The following SYNE1 variants were observed in gnomAD, a reference collection of about 807,000 sequenced individuals.
SYNE1 encodes nesprin-1.
A neutral mutation model predicts 1,111.0 loss-of-function variants in SYNE1; 616 were observed. The observed-to-expected ratio is 0.55, with a 90% CI of 0.52 to 0.59. The LOEUF (loss-of-function observed/expected upper bound fraction) is 0.59, where lower values mean the gene tolerates loss of function less well. SYNE1 is among the 20% of genes least tolerant of loss of function. The pLI, the probability that SYNE1 is intolerant of heterozygous loss-of-function variation, is 0.00. For missense variants in SYNE1, 10,006 were observed against 10,417.0 expected, an observed-to-expected ratio of 0.96 and a Z score of 1.72; for synonymous variants, 3,855 against 3,825.8, an observed-to-expected ratio of 1.01 and a Z score of -0.28.
intron 129 of SYNE1, among the ~76,000 whole-genome samples, chr6:152,177,147 T>C (rs1197045581): frequency 6.6e-6 from 1 of 152,242 alleles, no homozygotes. Flanking sequence ...TAACTTTCAA[T>C]AATAATAACT....
chr6:152,404,437 T>A, intron 45 of SYNE1, 123 bp from the exon 46 acceptor site: 2 of 723,060 alleles, frequency 2.8e-6, no homozygotes, highest in East Asian at 2.7e-5. Context: ...TAAAAAAAAA[T>A]CTGTTTCATT....
In SYNE1 at chr6:152,633,889, C is replaced by G. The variant is rs2099701875; in HGVS notation, c.-224+2749G>C. On this transcript the variant is annotated intron_variant, in intron 2 of 145. Coordinates refer to ENST00000367255, the MANE Select transcript of SYNE1 (RefSeq NM_182961.4). ...TACTCTTCTTAGGAATTTGGACTAC[C>G]TGCTATTTGGGATGCTCCCAGTTGA... 5.0e-5 allele frequency among the ~76,000 whole-genome samples: 5 copies of G among 99,128 alleles called. No homozygotes were observed. In the South Asian group the frequency reaches 2.2e-3, roughly 44 times the overall value. 65.0% of individuals were successfully genotyped at this position (99,128 alleles called of 152,430 possible).
At chr6:152,225,411 C>T (rs1427052753) in intron 116 of SYNE1, among the ~76,000 whole-genome samples, 1 of 151,946 alleles carries the variant, frequency 6.6e-6, no homozygotes, top group African/African-American at 2.4e-5. Flanking sequence ...TGGTTTGCAT[C>T]ACTTAGATAC....
chr6:152,363,748 G>T (rs1406690933), intron 63 of SYNE1: 1 of 455,078 alleles, frequency 2.2e-6, no homozygotes, highest in East Asian at 7.0e-5. Flanking sequence ...CAGTTTGAGG[G>T]CAATATAGGC....
At chr6:152,246,539 A>G (rs779884713) in intron 105 of SYNE1, among the ~76,000 whole-genome samples, 8 of 152,230 alleles carry the variant, frequency 5.3e-5, no homozygotes, top group Non-Finnish European at 1.0e-4. Context: ...AAGCGGAGCA[A>G]AAAGACAAAG....
At position 152,323,569 on chromosome 6, in the gene SYNE1, G is replaced by A. The variant is rs2095950795; in HGVS notation, c.15826C>T (p.Leu5276=). The part of the protein sequence containing the change: ...SALGMLRQQT[L]SMLQDGAAPT... ...GCGGCTCCATCCTGGAGCATGCTCAGGGTTTGCTGCCGCAGCATGCCCAAG... is the reference window on the plus strand; with the variant it reads ...GCGGCTCCATCCTGGAGCATGCTCAAGGTTTGCTGCCGCAGCATGCCCAAG... Residue 5276 remains leucine (L), a synonymous_variant, in exon 82 of 146, where the codon CTG becomes TTG. Transcript: ENST00000367255. 6.2e-7 allele frequency: 1 copy of A among 1,614,120 alleles called. No homozygotes were observed. The highest frequency in any genetic ancestry group is 1.3e-5 in the African/African-American group (1 of 74,958).
At chr6:152,532,859 T>C (rs1440131084) in intron 4 of SYNE1, among the ~76,000 whole-genome samples, 3 of 152,142 alleles carry the variant, frequency 2.0e-5, no homozygotes, top group African/African-American at 7.2e-5. Context: ...CTGATGATTA[T>C]CTTCTGGGTG....
chr6:152,409,430 A>C (rs2097972042), intron 43 of SYNE1, 129 bp downstream of exon 43: 6 of 1,325,904 alleles, frequency 4.5e-6, no homozygotes, highest in Non-Finnish European at 4.2e-6. Context: ...GGGGAAAAAA[A>C]GTTGAGCTCA....
chr6:152,448,447 T>TG (rs1335130093), intron 28 of SYNE1, among the ~76,000 whole-genome samples: 3 of 152,202 alleles, frequency 2.0e-5, no homozygotes, highest in Non-Finnish European at 4.4e-5. Flanking sequence ...GAATTTTTTT[T>TG]TGTGCGATGC....
In SYNE1 at chr6:152,465,298, T is replaced by C. The variant is rs747011919; in HGVS notation, c.1892A>G (p.Asp631Gly). The C allele has an allele frequency of 1.2e-6, 2 of 1,613,796 alleles. No homozygotes were observed. The highest frequency in any genetic ancestry group is 1.7e-6 in the Non-Finnish European group (2 of 1,179,772). The change falls in exon 18 of 146, where the codon GAT becomes GGT. Residue 631 changes from aspartate (D) to glycine (G), a missense_variant. Coordinates refer to ENST00000367255, the MANE Select transcript of SYNE1 (RefSeq NM_182961.4). ...TGATTGATTGAGCATTTTTTCAGCA[T>C]CCTCTAGCCAGGCTTGCAGACTAGC... ...TVASLQAWLE[D>G]AEKMLNQSEN...
intron 39 of SYNE1, among the ~76,000 whole-genome samples, chr6:152,425,076 T>C (rs935403676): frequency 6.6e-6 from 1 of 152,222 alleles, no homozygotes; most frequent in African/African-American, 2.4e-5. Context: ...GTACCATTTT[T>C]TTCCTATACA....
intron 48 of SYNE1, 51 bp downstream of exon 48, chr6:152,399,565 G>C (rs2097781935): frequency 6.2e-7 from 1 of 1,602,326 alleles, no homozygotes; most frequent in African/African-American, 1.3e-5. Flanking sequence ...CATTTGGTTT[G>C]GATTCTTTCT....
chr6:152,242,552 A>G (rs1014485415), intron 106 of SYNE1, 112 bp from the exon 107 acceptor site: 1 of 1,156,974 alleles, frequency 8.6e-7, no homozygotes, highest in African/African-American at 1.5e-5. Flanking sequence ...AAATGCCTTC[A>G]GGGATGTGCC....
Position 152,413,346 on chromosome 6 carries a change from A to G in SYNE1, c.6230+6T>C. On this transcript the variant is annotated splice_donor_region_variant and intron_variant, in intron 42 of 145. Transcript: ENST00000367255. ...AAAAACAAGAACTGGGTGGGTTTTG[A>G]CTTACTTTTCATGAATTAGTCTTTT... is the stretch of plus-strand genomic sequence containing the variant. 6.2e-7 allele frequency: 1 copy of G among 1,614,152 alleles called. No individual in the cohort carries two copies. The highest frequency in any genetic ancestry group is 1.1e-5 in the South Asian group (1 of 91,086).
intron 12 of SYNE1, 66 bp from the exon 13 acceptor site, chr6:152,485,038 A>AT: frequency 6.6e-7 from 1 of 1,517,134 alleles, no homozygotes; most frequent in Non-Finnish European, 9.0e-7. Context: ...AGGAAAGCAC[A>AT]TTTCCTAAAT....
chr6:152,123,323 T>C (rs1426575701), intron 145 of SYNE1, among the ~76,000 whole-genome samples: 1 of 152,208 alleles, frequency 6.6e-6, no homozygotes, highest in East Asian at 1.9e-4. Context: ...TACAGAACAC[T>C]GGTGTTGTAT....
intron 33 of SYNE1, 109 bp downstream of exon 33, chr6:152,435,832 T>C (rs1166729669): frequency 1.2e-5 from 16 of 1,362,060 alleles, no homozygotes; most frequent in Non-Finnish European, 1.6e-5. Context: ...CATGCTGAAA[T>C]ACACAGACAC....
chr6:152,174,921 C>A (rs527869289), intron 130 of SYNE1, among the ~76,000 whole-genome samples: 7 of 152,218 alleles, frequency 4.6e-5, no homozygotes, highest in South Asian at 2.1e-4. Flanking sequence ...AGGCTGGGTG[C>A]GGTGGCTCAC....
chr6:152,229,849 G>A (rs1359319455), intron 115 of SYNE1, among the ~76,000 whole-genome samples: 1 of 152,064 alleles, frequency 6.6e-6, no homozygotes, highest in Non-Finnish European at 1.5e-5. Flanking sequence ...AGACAACCGA[G>A]GAAATAGGAT....
Sources: gnomAD v4.1 joint callset for allele counts (sites outside exome capture counted in the v4.1 genomes callset) on GRCh38, gnomAD v4.1.1 for gene constraint, MANE v1.5 for transcripts, NCBI Gene and HGNC (gene_info 2026-07-23, HGNC 2026-07-21) for gene names.